The following SERPINB7 variants were observed in gnomAD, a reference collection of about 807,000 sequenced individuals.
The protein encoded by SERPINB7 is serpin B7.
SERPINB7 carries 31 observed loss-of-function variants against 37.4 expected under a neutral mutation model. That is an observed-to-expected ratio of 0.83 (90% CI 0.62 to 1.12). The LOEUF is 1.12. SERPINB7 is among the 50% of genes most tolerant of loss of function. The pLI is 0.00. For missense variants in SERPINB7, 521 were observed against 455.3 expected (o/e 1.14, Z -1.31); for synonymous variants, 163 against 166.1 (o/e 0.98, Z 0.14).
chr18:63,793,469 T>C (rs1167787441), intron 4 of SERPINB7, among the ~76,000 whole-genome samples, 192 bp downstream of exon 4: 3 of 152,194 alleles, frequency 2.0e-5, no homozygotes, highest in African/African-American at 7.2e-5. Flanking sequence ...AATCCACATA[T>C]TCAGGTTCAT....
At chr18:63,783,042 G>C (rs1447641669) in intron 2 of SERPINB7, among the ~76,000 whole-genome samples, 1 of 151,854 alleles carries the variant, frequency 6.6e-6, no homozygotes, top group Non-Finnish European at 1.5e-5. Context: ...GGAGGCTGAG[G>C]CAGGAGAATG....
In SERPINB7 at chr18:63,804,810, C is replaced by T. The variant is rs1237875449; in HGVS notation, c.*175C>T. On this transcript the variant is annotated 3_prime_UTR_variant, in exon 8 of 8. Transcript: ENST00000398019. Reference sequence around the variant, plus strand: ...CCTTCCTAGACACCTGGTTGATTGTCCTGATCCCTGCTCTTAGCATTCTAC... The same window carrying T: ...CCTTCCTAGACACCTGGTTGATTGTTCTGATCCCTGCTCTTAGCATTCTAC... 1.6e-6 allele frequency: 1 copy of T among 612,082 alleles called. No homozygotes were observed. The highest frequency in any genetic ancestry group is 2.8e-6 in the Non-Finnish European group (1 of 354,660). 37.9% of individuals were successfully genotyped at this position (612,082 alleles called of 1,614,324 possible).
chr18:63,772,336 C>T (rs2049216305), upstream of SERPINB7, among the ~76,000 whole-genome samples: 1 of 151,986 alleles, frequency 6.6e-6, no homozygotes, highest in Admixed American at 6.6e-5. Flanking sequence ...AAGCATCACT[C>T]TGCAAATGGA....
In SERPINB7 at chr18:63,793,277, G is replaced by C; in HGVS notation, c.336G>C (p.Lys112Asn). The change falls in exon 4 of 8, where the codon AAG becomes AAC. Residue 112 changes from lysine (K) to asparagine (N), a missense_variant and splice_region_variant. Transcript: ENST00000398019. ...LFAEKVYGFHKDYIECAEKLY... is the reference protein window; with the variant it reads ...LFAEKVYGFHNDYIECAEKLY... Reference sequence around the variant, plus strand: ...CTGAAAAAGTGTATGGCTTTCATAAGGTAAGTGAAACTGCCTTTGTTAGAA... The same window carrying C: ...CTGAAAAAGTGTATGGCTTTCATAACGTAAGTGAAACTGCCTTTGTTAGAA... 4 of 1,531,966 alleles carry C rather than the reference G, an allele frequency of 2.6e-6. No individual in the cohort carries two copies. In the South Asian group the frequency reaches 4.7e-5, roughly 18 times the overall value. 94.9% of individuals were successfully genotyped at this position (1,531,966 alleles called of 1,614,324 possible).
intron 2 of SERPINB7, 35 bp from the exon 3 acceptor site, chr18:63,792,358 T>G (rs1599014616): frequency 1.3e-6 from 2 of 1,503,536 alleles, no homozygotes; most frequent in East Asian, 4.5e-5. Context: ...TAACCTCTGA[T>G]TCTAATGATT....
upstream of SERPINB7, among the ~76,000 whole-genome samples, chr18:63,770,841 A>G (rs1433157453): frequency 6.7e-6 from 1 of 150,292 alleles, no homozygotes; most frequent in African/African-American, 2.5e-5. Context: ...ATCTTTTACA[A>G]CCTTACTTTA....
intron 2 of SERPINB7, among the ~76,000 whole-genome samples, chr18:63,783,207 AGAGAGAGAGAGAG>A (rs1568207589): frequency 9.1e-5 from 8 of 87,638 alleles, no homozygotes; most frequent in African/African-American, 3.7e-4. Context: ...AGAGAGAGAG[AGAGAGAGAGAGAG>A]AGAGAGAGAG....
chr18:63,783,180 GAAAGAA>G (rs1316499095), intron 2 of SERPINB7, among the ~76,000 whole-genome samples: 6 of 81,364 alleles, frequency 7.4e-5, no homozygotes, highest in African/African-American at 3.1e-4. Context: ...AATAAAGAAA[GAAAGAA>G]AGAGAGAGAG....
At chr18:63,759,047 G>T (rs983340966) in intron 1 of SERPINB7, among the ~76,000 whole-genome samples, 1 of 152,186 alleles carries the variant, frequency 6.6e-6, no homozygotes, top group Non-Finnish European at 1.5e-5. Flanking sequence ...GTTTCTACTT[G>T]ATCATATGCA....
At chr18:63,757,385 G>A (rs929669654) in intron 1 of SERPINB7, among the ~76,000 whole-genome samples, 1 of 152,182 alleles carries the variant, frequency 6.6e-6, no homozygotes, top group Non-Finnish European at 1.5e-5. Context: ...ATCAAAGCTT[G>A]TGAAAATCAA....
At chr18:63,770,617 T>C (rs954434648), upstream of SERPINB7, among the ~76,000 whole-genome samples, 3 of 152,088 alleles carry the variant, frequency 2.0e-5, no homozygotes, top group Admixed American at 1.3e-4. Flanking sequence ...GTTTTTCTGC[T>C]GTTGTTGATA....
intron 1 of SERPINB7, among the ~76,000 whole-genome samples, chr18:63,776,399 T>C (rs2049248654): frequency 6.6e-6 from 1 of 151,864 alleles, no homozygotes; most frequent in Non-Finnish European, 1.5e-5. Context: ...CAGTTTTGTC[T>C]GGTTTGATCT....
intron 2 of SERPINB7, among the ~76,000 whole-genome samples, chr18:63,785,254 C>A (rs1032157848): frequency 6.6e-6 from 1 of 152,188 alleles, no homozygotes; most frequent in Non-Finnish European, 1.5e-5. Context: ...CCCTTGTCAC[C>A]ATAAATCACA....
At chr18:63,759,139 T>A (rs1238789620) in intron 1 of SERPINB7, among the ~76,000 whole-genome samples, 1 of 152,340 alleles carries the variant, frequency 6.6e-6, no homozygotes, top group East Asian at 1.9e-4. Context: ...ACTCTTCTGA[T>A]GTATCCTATC....
chr18:63,784,932 C>T (rs924840728), intron 2 of SERPINB7, among the ~76,000 whole-genome samples: 1 of 152,164 alleles, frequency 6.6e-6, no homozygotes, highest in Non-Finnish European at 1.5e-5. Context: ...AGTCTCCTTG[C>T]CCTGCACCTC....
At chr18:63,756,366 G>T (rs142161669) in intron 1 of SERPINB7, among the ~76,000 whole-genome samples, 2 of 152,244 alleles carry the variant, frequency 1.3e-5, no homozygotes, top group Non-Finnish European at 2.9e-5. Context: ...AACTGGAATG[G>T]ATTTTCCTGG....
chr18:63,764,169 G>T (rs1432243885), intron 1 of SERPINB7, among the ~76,000 whole-genome samples: 1 of 152,156 alleles, frequency 6.6e-6, no homozygotes, highest in African/African-American at 2.4e-5. Context: ...TGATAGGCTT[G>T]GATGAATTTT....
intron 1 of SERPINB7, among the ~76,000 whole-genome samples, chr18:63,753,282 C>A (rs1325126017): frequency 6.6e-6 from 1 of 152,188 alleles, no homozygotes; most frequent in African/African-American, 2.4e-5. Flanking sequence ...CAGACACATA[C>A]CCCTTTCCAG....
intron 1 of SERPINB7, among the ~76,000 whole-genome samples, chr18:63,780,044 G>T (rs538800629): frequency 1.0e-3 from 153 of 152,042 alleles, no homozygotes; most frequent in African/African-American, 3.5e-3. Context: ...AAACCTTTCA[G>T]GTCTTATTTT....
Sources: gnomAD v4.1 joint callset for allele counts (sites outside exome capture counted in the v4.1 genomes callset) on GRCh38, gnomAD v4.1.1 for gene constraint, MANE v1.5 for transcripts, NCBI Gene and HGNC (gene_info 2026-07-23, HGNC 2026-07-21) for gene names.